LPIN1: variants seen among roughly 807,000 people sequenced by gnomAD.
The protein encoded by LPIN1 is phosphatidate phosphatase LPIN1.
In LPIN1, 71 loss-of-function variants were observed where a neutral mutation model predicts 107.5. That is an observed-to-expected ratio of 0.66 (90% CI 0.55 to 0.80). The LOEUF is 0.80. Ranked by LOEUF, LPIN1 falls within the 30% of genes least tolerant of loss-of-function variation. The pLI, the probability that LPIN1 is intolerant of heterozygous loss-of-function variation, is 0.00. For missense variants in LPIN1, 1,043 were observed against 1,160.6 expected (o/e 0.90, Z 1.47); for synonymous variants, 445 against 452.6 (o/e 0.98, Z 0.21).
rs546324500 is a variant in LPIN1 at position 11,707,476 on chromosome 2, G to A, written c.82-6280G>A. Among the ~76,000 whole-genome samples the A allele has an allele frequency of 1.3e-5, 2 of 152,222 alleles. No individual in the cohort carries two copies. The highest frequency in any genetic ancestry group is 2.9e-5 in the Non-Finnish European group (2 of 68,032). ...GCCCTGGAATTTACTGAGCAGACCG[G>A]GGAGCACGGGAAGTTTTGAGCTGAG... On this transcript the variant is annotated intron_variant, in intron 1 of 21. Coordinates refer to the LPIN1 transcript ENST00000449576. This position sits in a 1 kb window ranked among gnomAD's most constrained non-coding sequence, Gnocchi z 4.2.
chr2:11,798,848 C>G (rs62114964), intron 14 of LPIN1, among the ~76,000 whole-genome samples: 14,469 of 151,744 alleles, frequency 0.095, 911 homozygotes, highest in Middle Eastern at 0.17. Flanking sequence ...CCCGAAGTCC[C>G]ATAATTGAGC....
chr2:11,706,947 A>G (rs1663157688), intron 1 of LPIN1, among the ~76,000 whole-genome samples: 1 of 152,202 alleles, frequency 6.6e-6, no homozygotes, highest in South Asian at 2.1e-4. Flanking sequence ...AAAAGGGCCA[A>G]AAAGAGCTCT....
At chr2:11,705,357 GA>G (rs1176818118) in intron 1 of LPIN1, among the ~76,000 whole-genome samples, 1 of 152,188 alleles carries the variant, frequency 6.6e-6, no homozygotes, top group Non-Finnish European at 1.5e-5. Context: ...CCACTGCTGT[GA>G]ACACAATGAT....
chr2:11,779,666 G>C, intron 7 of LPIN1, 21 bp downstream of exon 7: 1 of 1,613,402 alleles, frequency 6.2e-7, no homozygotes, highest in Admixed American at 1.7e-5. Flanking sequence ...CTTCAATTCT[G>C]CCACGGACCG....
Position 11,771,751 on chromosome 2 carries a change from C to A in LPIN1, c.596+72C>A. 7.0e-7 allele frequency: 1 copy of A among 1,434,282 alleles called. No individual in the cohort carries two copies. The highest frequency in any genetic ancestry group is 2.5e-5 in the East Asian group (1 of 40,292). The allele number at this position is 1,434,282 out of a possible 1,614,324, so 88.8% of individuals were successfully genotyped here. A position where few individuals can be genotyped will look rare whatever the true frequency, so the allele number is the denominator to read the frequency against. ...AACTGTTCAAGATTATTTTTATGAACTTTTCCCCCATAATTCCTTATTCTT... is the reference window on the plus strand; with the variant it reads ...AACTGTTCAAGATTATTTTTATGAAATTTTCCCCCATAATTCCTTATTCTT... On this transcript the variant is annotated intron_variant, in intron 4 of 20. Coordinates refer to ENST00000674199, the MANE Select transcript of LPIN1 (RefSeq NM_001349206.2). This position sits in a 1 kb window ranked among gnomAD's most constrained non-coding sequence, Gnocchi z 4.8.
chr2:11,797,052 C>T (rs928848654), intron 14 of LPIN1, among the ~76,000 whole-genome samples: 1 of 152,202 alleles, frequency 6.6e-6, no homozygotes, highest in Non-Finnish European at 1.5e-5. Context: ...AAGAGGCACA[C>T]ACAACAAAGA....
chr2:11,685,487 G>T (rs1041777424), intron 1 of LPIN1, among the ~76,000 whole-genome samples: 4 of 152,188 alleles, frequency 2.6e-5, no homozygotes, highest in African/African-American at 9.7e-5. Context: ...GCAGAGAAGG[G>T]TTTTGAACCA....
rs74956607 is a variant in LPIN1 at position 11,786,412 on chromosome 2, C to T, written c.1550-662C>T. Among the ~76,000 whole-genome samples the T allele has an allele frequency of 1.7e-4, 26 of 152,230 alleles. No homozygotes were observed. In the East Asian group the frequency reaches 4.7e-3, roughly 27 times the overall value. ...ACCGCGGTCAAGGCTTAAGGTACAG[C>T]CCAGCTGCCAGAGCCCGTCAAAGAA... is the stretch of plus-strand genomic sequence containing the variant. On this transcript the variant is annotated intron_variant, in intron 10 of 20. Transcript: ENST00000674199. This position sits in a 1 kb window ranked among gnomAD's most constrained non-coding sequence, Gnocchi z 4.1.
At position 11,827,072 on chromosome 2, in the gene LPIN1, T is replaced by G. The variant is rs1286842421; in HGVS notation, c.*2281T>G. The G allele has an allele frequency of 6.5e-6, 1 of 152,694 alleles. No homozygotes were observed. The highest frequency in any genetic ancestry group is 2.4e-5 in the African/African-American group (1 of 41,466). 9.5% of individuals were successfully genotyped at this position (152,694 alleles called of 1,614,324 possible). Reference sequence around the variant, plus strand: ...AGGTCATGTGCTGGAATGCTGTATTTGGACCACACATTTCAAAGTTGCCCT... The same window carrying G: ...AGGTCATGTGCTGGAATGCTGTATTGGGACCACACATTTCAAAGTTGCCCT... On this transcript the variant is annotated 3_prime_UTR_variant, in exon 21 of 21. Transcript: ENST00000674199. The surrounding 1 kb of genome is among the most constrained non-coding windows in gnomAD (Gnocchi z 4.1).
chr2:11,814,323 G>C (rs1680193599), intron 17 of LPIN1, among the ~76,000 whole-genome samples: 1 of 152,180 alleles, frequency 6.6e-6, no homozygotes, highest in African/African-American at 2.4e-5. Context: ...GCATCAGGGT[G>C]ACCTGTGCAG....
intron 14 of LPIN1, among the ~76,000 whole-genome samples, chr2:11,798,684 A>G (rs1037121782): frequency 1.3e-5 from 2 of 152,192 alleles, no homozygotes; most frequent in African/African-American, 4.8e-5. Context: ...GATTTTGAAA[A>G]GAATATAAAG....
At chr2:11,812,198 G>T (rs1679784349) in intron 17 of LPIN1, among the ~76,000 whole-genome samples, 1 of 152,200 alleles carries the variant, frequency 6.6e-6, no homozygotes, top group South Asian at 2.1e-4. Context: ...GAAGTGGGTA[G>T]TTTATTCACT....
At chr2:11,753,206 G>GGGCTTTGGT (rs55699947) in intron 1 of LPIN1, among the ~76,000 whole-genome samples, 68,164 of 151,522 alleles carry the variant, frequency 0.45, 16,544 homozygotes, top group African/African-American at 0.63. Context: ...AACACAGGCA[G>GGGCTTTGGT]GGCTTTGGTG....
rs1024279493 is a variant in LPIN1 at position 11,765,751 on chromosome 2, G to A, written c.192+18G>A. On this transcript the variant is annotated intron_variant, in intron 2 of 20. Transcript: ENST00000674199. This position sits in a 1 kb window ranked among gnomAD's most constrained non-coding sequence, Gnocchi z 4.4. The stretch of plus-strand genomic sequence containing the variant: ...AGAAAGTGGTGAGCTCTCAGGGCAC[G>A]GGGACCTGGCACCGGCTCTCCTTAG... 35 of 1,602,454 alleles carry A rather than the reference G, an allele frequency of 2.2e-5. No homozygotes were observed. The highest frequency in any genetic ancestry group is 4.4e-5 in the South Asian group (4 of 90,304).
chr2:11,781,958 T>G (rs1189693877), intron 7 of LPIN1, among the ~76,000 whole-genome samples: 1 of 152,278 alleles, frequency 6.6e-6, no homozygotes. Flanking sequence ...CTCCTGCCTG[T>G]TGGCATTGCT....
chr2:11,806,878 A>G (rs111494602), intron 17 of LPIN1, among the ~76,000 whole-genome samples: 128 of 152,226 alleles, frequency 8.4e-4, no homozygotes, highest in African/African-American at 2.9e-3. Flanking sequence ...ATCCCCACAC[A>G]CATACACTCA....
intron 6 of LPIN1, 53 bp downstream of exon 6, chr2:11,776,246 C>G: frequency 9.0e-7 from 1 of 1,114,886 alleles, no homozygotes; most frequent in Non-Finnish European, 1.3e-6. Context: ...AAAATTTGAT[C>G]TAACTCTTAC....
intron 3 of LPIN1, among the ~76,000 whole-genome samples, chr2:11,770,730 A>G (rs1671705649): frequency 6.6e-6 from 1 of 152,214 alleles, no homozygotes; most frequent in African/African-American, 2.4e-5. Flanking sequence ...AAAACTGCTG[A>G]ATCATTACAA....
chr2:11,814,170 A>G (rs1356711825), intron 17 of LPIN1, among the ~76,000 whole-genome samples: 1 of 152,060 alleles, frequency 6.6e-6, no homozygotes, highest in Non-Finnish European at 1.5e-5. Flanking sequence ...GCTGCTGAGG[A>G]GGAGAACACC....
Sources: allele counts gnomAD v4.1 joint callset (sites outside exome capture counted in the v4.1 genomes callset), GRCh38; gene constraint gnomAD v4.1.1; non-coding constraint Gnocchi (gnomAD v3.1); transcripts MANE v1.5; gene names NCBI Gene and HGNC (gene_info 2026-07-23, HGNC 2026-07-21).